CDH23: variants seen among roughly 807,000 people sequenced by gnomAD.
CDH23 encodes the protein cadherin-23.
A neutral mutation model predicts 317.1 loss-of-function variants in CDH23; 189 were observed. The ratio of observed to expected loss-of-function variants is 0.60; its 90% CI spans 0.53 to 0.67. CDH23 has a LOEUF of 0.67. Among genes scored for constraint, CDH23 ranks in the 30% least tolerant of loss-of-function variants. The probability of loss-of-function intolerance (pLI) is 0.00; values close to 1 mark genes in which losing one functional copy is unlikely to be tolerated. For synonymous variants in CDH23, 1,839 were observed against 1,876.8 expected (o/e 0.98, Z 0.52); for missense variants, 4,401 against 4,592.4 (o/e 0.96, Z 1.20).
rs1840273148 is a variant in CDH23 at position 71,759,916 on chromosome 10, T to TAC, written c.4846-17763_4846-17762insCA. Among the ~76,000 whole-genome samples the TAC allele has an allele frequency of 6.3e-5, 2 of 31,808 alleles. 1 individual carries two copies. The highest frequency in any genetic ancestry group is 1.8e-4 in the Non-Finnish European group (2 of 11,256). 20.9% of individuals were successfully genotyped at this position (31,808 alleles called of 152,430 possible). ...ACACACACATATATACACACACACATATATACACACACACATATATACACA... is the reference window on the plus strand; with the variant it reads ...ACACACACATATATACACACACACATACATATACACACACACATATATACACA... On this transcript the variant is annotated intron_variant, in intron 38 of 69. Transcript: ENST00000224721.
chr10:71,806,220 A>G lies in CDH23; in HGVS notation c.8117A>G (p.Gln2706Arg). 1 of 1,579,582 alleles carries G rather than the reference A, an allele frequency of 6.3e-7. No homozygotes were observed. Among genetic ancestry groups the G allele is most frequent in the South Asian group, 1.2e-5 (1 of 86,196 alleles). ...LGQPVPYETM[Q>R]PLQVALEDID... ...CAGCCAGTGCCATACGAGACTATGC[A>G]GCCGCTGCAGGTGGCCCTGGAGGAC... Residue 2706 changes from glutamine (Q) to arginine (R), a missense_variant, in exon 57 of 70, where the codon CAG (glutamine) becomes CGG (arginine). By Grantham distance (43) the Gln-to-Arg change is conservative. Coordinates refer to ENST00000224721, the MANE Select transcript of CDH23 (RefSeq NM_022124.6).
intron 11 of CDH23, among the ~76,000 whole-genome samples, chr10:71,633,450 G>A (rs1252540856): frequency 6.6e-6 from 1 of 152,166 alleles, no homozygotes; most frequent in Non-Finnish European, 1.5e-5. Flanking sequence ...AATATGTCAA[G>A]TAGGAGGAGC....
intron 47 of CDH23, 129 bp downstream of exon 47, chr10:71,791,464 G>T (rs886601004): frequency 4.1e-6 from 3 of 737,560 alleles, no homozygotes; most frequent in Non-Finnish European, 6.8e-6. Context: ...GGTGAGTGTA[G>T]AACACACTGG....
intron 1 of CDH23, among the ~76,000 whole-genome samples, chr10:71,414,378 G>T (rs912662738): frequency 6.6e-6 from 1 of 152,190 alleles, no homozygotes; most frequent in African/African-American, 2.4e-5. Flanking sequence ...AATGTGCATA[G>T]AATTTTATCA....
intron 31 of CDH23, 54 bp downstream of exon 31, chr10:71,730,658 A>G: frequency 6.2e-7 from 1 of 1,603,574 alleles, no homozygotes; most frequent in Non-Finnish European, 8.5e-7. Context: ...AAACCTCCCC[A>G]GCTCACCCAG....
intron 15 of CDH23, among the ~76,000 whole-genome samples, chr10:71,676,360 C>T (rs1864369750): frequency 6.6e-6 from 1 of 151,902 alleles, no homozygotes; most frequent in Non-Finnish European, 1.5e-5. Flanking sequence ...GATGCCATGG[C>T]TCATGCCTGT....
At chr10:71,638,371 G>A (rs1460686805) in intron 11 of CDH23, among the ~76,000 whole-genome samples, 2 of 152,240 alleles carry the variant, frequency 1.3e-5, no homozygotes, top group Admixed American at 1.3e-4. Flanking sequence ...GCAGGGCAGT[G>A]CCTCAGGATG....
rs757310468 is a variant in CDH23, at chr10:71,807,974, G to A, written c.8689G>A (p.Asp2897Asn). ...CCACTACTTCCGGGCCCTTGCCAACGACTCTGAAGATGTGGGCCAGGTCTT... is the reference window on the plus strand; with the variant it reads ...CCACTACTTCCGGGCCCTTGCCAACAACTCTGAAGATGTGGGCCAGGTCTT... ...AIHYFRALAN[D>N]SEDVGQVFTM... is the part of the protein sequence containing the mutation. Residue 2897 changes from aspartate (D) to asparagine (N), a missense_variant, in exon 60 of 70, where the codon GAC becomes AAC. By Grantham distance (23) the Asp-to-Asn change is conservative (BLOSUM62 1). Around this residue, in one of 3 missense-constraint regions of CDH23, gnomAD observed 1,144 missense variants for 1,138.2 expected, o/e 1.01. Coordinates refer to ENST00000224721, the MANE Select transcript of CDH23 (RefSeq NM_022124.6). The A allele has an allele frequency of 1.1e-5, 18 of 1,596,706 alleles. No individual in the cohort carries two copies. The highest frequency in any genetic ancestry group is 9.1e-5 in the East Asian group (4 of 44,130).
intron 34 of CDH23, 63 bp downstream of exon 34, chr10:71,734,721 C>G: frequency 9.1e-7 from 1 of 1,099,410 alleles, no homozygotes; most frequent in Non-Finnish European, 1.3e-6. Context: ...TGGCCGGGCT[C>G]TGCCTGGCCC....
At chr10:71,551,511 T>G (rs1856596028) in intron 6 of CDH23, among the ~76,000 whole-genome samples, 1 of 152,200 alleles carries the variant, frequency 6.6e-6, no homozygotes, top group South Asian at 2.1e-4. Context: ...CCACTTCAGT[T>G]ACCCAGAAGA....
chr10:71,437,847 G>A (rs947272777), intron 1 of CDH23, among the ~76,000 whole-genome samples: 2 of 152,142 alleles, frequency 1.3e-5, no homozygotes, highest in African/African-American at 4.8e-5. Flanking sequence ...TTTCAACAGA[G>A]AGCATGTGGA....
intron 6 of CDH23, among the ~76,000 whole-genome samples, chr10:71,520,024 C>A (rs1854576156): frequency 6.6e-6 from 1 of 152,178 alleles, no homozygotes; most frequent in Non-Finnish European, 1.5e-5. Flanking sequence ...CCCAGGCTGG[C>A]CTCAAACTTC....
intron 3 of CDH23, among the ~76,000 whole-genome samples, chr10:71,498,335 C>A (rs1853087634): frequency 6.6e-6 from 1 of 152,188 alleles, no homozygotes; most frequent in Non-Finnish European, 1.5e-5. Flanking sequence ...TGTCCTTGGA[C>A]TCCCTGGAAT....
intron 48 of CDH23, chr10:71,795,946 G>T (rs1253520009): frequency 3.0e-6 from 3 of 985,934 alleles, no homozygotes; most frequent in Non-Finnish European, 3.6e-6. Flanking sequence ...GTCCTGTGGG[G>T]CCTGGGCCAA....
chr10:71,461,652 C>A (rs58087176), intron 3 of CDH23, among the ~76,000 whole-genome samples: 2 of 152,218 alleles, frequency 1.3e-5, no homozygotes, highest in Admixed American at 1.3e-4. Context: ...CAGGACAGCG[C>A]GGCCACCGCG....
intron 27 of CDH23, among the ~76,000 whole-genome samples, chr10:71,709,455 T>C (rs1865898628): frequency 1.3e-5 from 2 of 152,062 alleles, no homozygotes; most frequent in South Asian, 2.1e-4. Context: ...TGTAGACAAA[T>C]TACTGCAAAT....
At chr10:71,681,339 C>T (rs1181489688) in intron 17 of CDH23, among the ~76,000 whole-genome samples, 1 of 152,134 alleles carries the variant, frequency 6.6e-6, no homozygotes, top group African/African-American at 2.4e-5. Context: ...CCTTCCCTCC[C>T]CAGTTGAGAA....
chr10:71,739,596 A>T, intron 35 of CDH23, 48 bp from the exon 36 acceptor site: 1 of 1,593,520 alleles, frequency 6.3e-7, no homozygotes, highest in Non-Finnish European at 8.6e-7. Context: ...TGACCTGGCC[A>T]CCTCTCCTCC....
At chr10:71,401,798 G>T (rs749187007) in intron 1 of CDH23, among the ~76,000 whole-genome samples, 1 of 152,154 alleles carries the variant, frequency 6.6e-6, no homozygotes, top group Non-Finnish European at 1.5e-5. Flanking sequence ...TGCTGCTGGC[G>T]TGCTGCACAT....
Sources: gnomAD v4.1 joint callset for allele counts (sites outside exome capture counted in the v4.1 genomes callset) on GRCh38, gnomAD v4.1.1 for gene constraint, gnomAD v4.1.1 regional missense constraint, MANE v1.5 for transcripts, NCBI Gene and HGNC (gene_info 2026-07-23, HGNC 2026-07-21) for gene names.